The following TTR variants were observed in gnomAD, a reference collection of about 807,000 sequenced individuals.
The protein encoded by TTR is transthyretin, also known as epididymis luminal protein 111.
Under a neutral mutation model 13.7 loss-of-function variants are expected in TTR, and 8 were observed. That is an observed-to-expected ratio of 0.58 (90% confidence interval 0.34 to 1.05). The LOEUF (loss-of-function observed/expected upper bound fraction) is 1.05. Ranked by LOEUF, TTR falls within the 50% of genes least tolerant of loss-of-function variation. TTR has a pLI of 0.02. For missense variants in TTR, 135 were observed against 185.5 expected, an observed-to-expected ratio of 0.73 and a Z score of 1.58; for synonymous variants, 75 against 71.7, an observed-to-expected ratio of 1.05 and a Z score of -0.23.
At position 31,591,959 on chromosome 18, in the gene TTR, G is replaced by A. The variant is rs756202543; in HGVS notation, c.57G>A (p.Glu19=). The change falls in exon 1 of 4, where the codon GAG becomes GAA. Residue 19 remains glutamate, a synonymous_variant. Transcript: ENST00000237014. Reference sequence around the variant, plus strand: ...TTGCTGGACTGGTATTTGTGTCTGAGGCTGGCCCTACGGTGAGTGTTTCTG... The same window carrying A: ...TTGCTGGACTGGTATTTGTGTCTGAAGCTGGCCCTACGGTGAGTGTTTCTG... ...LCLAGLVFVS[E]AGPTGTGESK... The A allele has an allele frequency of 3.1e-6, 5 of 1,614,114 alleles. No individual in the cohort carries two copies. The highest frequency in any genetic ancestry group is 1.6e-4 in the Middle Eastern group (1 of 6,062).
rs766225922 is a variant in TTR, at chr18:31,595,282, T to C, written c.336+27T>C. 4 of 1,613,982 alleles carry C rather than the reference T, an allele frequency of 2.5e-6. No homozygotes were observed. In the South Asian group the frequency reaches 3.3e-5, roughly 13 times the overall value. Reference sequence around the variant, plus strand: ...TGAGTATACAGACCTTCGAGGGTTGTTTTGGTTTTGGTTTTTGCTTTTGGC... The same window carrying C: ...TGAGTATACAGACCTTCGAGGGTTGCTTTGGTTTTGGTTTTTGCTTTTGGC... On this transcript the variant is annotated intron_variant, in intron 3 of 3. Coordinates refer to ENST00000237014, the MANE Select transcript of TTR (RefSeq NM_000371.4).
chr18:31,592,223 T>C (rs548972635), intron 1 of TTR, among the ~76,000 whole-genome samples: 1 of 152,316 alleles, frequency 6.6e-6, no homozygotes, highest in South Asian at 2.1e-4. Context: ...TACCTCTGTT[T>C]CCTCAGATAG....
At chr18:31,594,064 C>G (rs562860580) in intron 2 of TTR, among the ~76,000 whole-genome samples, 26 of 151,610 alleles carry the variant, frequency 1.7e-4, no homozygotes, top group Non-Finnish European at 3.2e-4. Context: ...AAAGTGGTTA[C>G]AGGACTATTC....
intron 2 of TTR, 133 bp from the exon 3 acceptor site, chr18:31,594,987 G>A: frequency 1.9e-6 from 2 of 1,052,390 alleles, no homozygotes; most frequent in Non-Finnish European, 2.9e-6. Context: ...CCCTACTTCT[G>A]ACTTAGTTGA....
At chr18:31,594,977 C>T in intron 2 of TTR, 143 bp from the exon 3 acceptor site, 1 of 959,380 alleles carries the variant, frequency 1.0e-6, no homozygotes, top group East Asian at 2.6e-5. Context: ...TAGGAGTTTT[C>T]CCTACTTCTG....
chr18:31,597,657 A>G (rs1026401178), intron 3 of TTR, among the ~76,000 whole-genome samples: 1 of 152,178 alleles, frequency 6.6e-6, no homozygotes, highest in African/African-American at 2.4e-5. Context: ...CCTCAACCCA[A>G]GGCCTGTATA....
In TTR at chr18:31,591,920, G is replaced by GCTC; in HGVS notation, c.25_27dup (p.Leu9dup). 6.2e-7 allele frequency: 1 copy of GCTC among 1,614,154 alleles called. No individual in the cohort carries two copies. Among genetic ancestry groups the GCTC allele is most frequent in the Non-Finnish European group, 8.5e-7 (1 of 1,180,038 alleles). On this transcript the variant is annotated inframe_insertion, in exon 1 of 4. Transcript: ENST00000237014. ...TTGGCAGGATGGCTTCTCATCGTCT[G>GCTC]CTCCTCCTCTGCCTTGCTGGACTGG...
intron 1 of TTR, 63 bp from the exon 2 acceptor site, chr18:31,592,833 A>G (rs2144406362): frequency 1.2e-6 from 2 of 1,606,004 alleles, no homozygotes; most frequent in Admixed American, 1.7e-5. Flanking sequence ...TAATACCACA[A>G]AGAATAAATC....
Position 31,595,146 on chromosome 18 carries a change from A to G in TTR, c.227A>G (p.His76Arg), listed in dbSNP as rs78230119. ...AAAACCAGTGAGTCTGGAGAGCTGC[A>G]TGGGCTCACAACTGAGGAGGAATTT... ...SGKTSESGEL[H>R]GLTTEEEFVE... The change falls in exon 3 of 4, where the codon CAT (histidine) becomes CGT (arginine). Residue 76 changes from histidine to arginine, a missense_variant. Transcript: ENST00000237014. 1 of 1,614,062 alleles carries G rather than the reference A, an allele frequency of 6.2e-7. No homozygotes were observed. Among genetic ancestry groups the G allele is most frequent in the Non-Finnish European group, 8.5e-7 (1 of 1,180,044 alleles).
chr18:31,592,022 G>A, intron 1 of TTR, 51 bp downstream of exon 1: 1 of 1,598,220 alleles, frequency 6.3e-7, no homozygotes. Flanking sequence ...CACGCTAAAT[G>A]AAGTAGAAGT....
chr18:31,592,074 A>G (rs9304103), intron 1 of TTR, 103 bp downstream of exon 1: 17,680 of 1,121,304 alleles, frequency 0.016, 856 homozygotes, highest in South Asian at 0.11. Context: ...TTACTAGGGC[A>G]AGGGTACCCA....
At chr18:31,598,535 G>T (rs1363758519) in intron 3 of TTR, 33 bp from the exon 4 acceptor site, 1 of 1,611,820 alleles carries the variant, frequency 6.2e-7, no homozygotes, top group Non-Finnish European at 8.5e-7. Flanking sequence ...TTCGGGCTCT[G>T]GTGGAAATGG....
At chr18:31,592,658 T>A (rs1396305661) in intron 1 of TTR, among the ~76,000 whole-genome samples, 1 of 152,214 alleles carries the variant, frequency 6.6e-6, no homozygotes, top group Non-Finnish European at 1.5e-5. Context: ...TTAAAATTCA[T>A]TATACACATC....
intron 2 of TTR, 120 bp from the exon 3 acceptor site, chr18:31,595,000 G>A: frequency 8.7e-7 from 1 of 1,146,682 alleles, no homozygotes; most frequent in Non-Finnish European, 1.3e-6. Context: ...TTAGTTGAGG[G>A]GAAATGTTCA....
rs76410435 is a variant in TTR, at chr18:31,598,586, G to A, written c.355G>A (p.Asp119Asn). 126 of 1,613,920 alleles carry A rather than the reference G, an allele frequency of 7.8e-5. No individual in the cohort carries two copies. The East Asian group carries it at 1.4e-3, about 19-fold the overall frequency. ...EHAEVVFTAN[D>N]SGPRRYTIAA... Reference sequence around the variant, plus strand: ...CTCATAGGTGGTATTCACAGCCAACGACTCCGGCCCCCGCCGCTACACCAT... The same window carrying A: ...CTCATAGGTGGTATTCACAGCCAACAACTCCGGCCCCCGCCGCTACACCAT... The change falls in exon 4 of 4, where the codon GAC becomes AAC. Residue 119 changes from aspartate (D) to asparagine (N), a missense_variant. By Grantham distance (23) the Asp-to-Asn change is conservative (BLOSUM62 1). Coordinates refer to ENST00000237014, the MANE Select transcript of TTR (RefSeq NM_000371.4).
At position 31,598,603 on chromosome 18, in the gene TTR, C is replaced by G. The variant is rs780119793; in HGVS notation, c.372C>G (p.Arg124=). 207 of 1,614,124 alleles carry G rather than the reference C, an allele frequency of 1.3e-4. 2 individuals carry two copies. The South Asian group carries it at 2.2e-3, about 17-fold the overall frequency. Residue 124 remains arginine, a synonymous_variant, in exon 4 of 4, where the codon CGC becomes CGG. Transcript: ENST00000237014. ...CAGCCAACGACTCCGGCCCCCGCCG[C>G]TACACCATTGCCGCCCTGCTGAGCC... is the stretch of plus-strand genomic sequence containing the variant. The part of the protein sequence containing the change: ...VFTANDSGPR[R]YTIAALLSPY...
At position 31,598,737 on chromosome 18, in the gene TTR, T is replaced by A; in HGVS notation, c.*62T>A. ...TGGGATTTCATGTAACCAAGAGTAT[T>A]CCATTTTTACTAAAGCAGTGTTTTC... On this transcript the variant is annotated 3_prime_UTR_variant, in exon 4 of 4. Transcript: ENST00000237014. 3 of 1,555,650 alleles carry A rather than the reference T, an allele frequency of 1.9e-6. No homozygotes were observed. The East Asian group carries it at 6.8e-5, about 35-fold the overall frequency.
Position 31,592,910 on chromosome 18 carries a change from C to A in TTR, c.84C>A (p.Ser28=). 6.2e-7 allele frequency: 1 copy of A among 1,614,004 alleles called. No individual in the cohort carries two copies. The highest frequency in any genetic ancestry group is 8.5e-7 in the Non-Finnish European group (1 of 1,179,930). ...SEAGPTGTGE[S]KCPLMVKVLD... ...TCTACACCCAGGGCACCGGTGAATCCAAGTGTCCTCTGATGGTCAAAGTTC... is the reference window on the plus strand; with the variant it reads ...TCTACACCCAGGGCACCGGTGAATCAAAGTGTCCTCTGATGGTCAAAGTTC... The change falls in exon 2 of 4, where the codon TCC becomes TCA. Residue 28 remains serine, a synonymous_variant. Transcript: ENST00000237014.
chr18:31,595,532 C>T (rs1488293040), intron 3 of TTR: 1 of 543,474 alleles, frequency 1.8e-6, no homozygotes, highest in Non-Finnish European at 3.5e-6. Flanking sequence ...ATTGATGTAT[C>T]TGCTGTTGAA....
Sources: gnomAD v4.1 joint callset for allele counts (sites outside exome capture counted in the v4.1 genomes callset) on GRCh38, gnomAD v4.1.1 for gene constraint, MANE v1.5 for transcripts, NCBI Gene and HGNC (gene_info 2026-07-23, HGNC 2026-07-21) for gene names.